INSR: variants seen among roughly 807,000 people sequenced by gnomAD.
The protein encoded by INSR is insulin receptor.
Under a neutral mutation model 142.6 loss-of-function variants are expected in INSR, and 67 were observed. That is an observed-to-expected ratio of 0.47 (90% CI 0.39 to 0.58). INSR has a LOEUF of 0.58. Ranked by LOEUF, INSR falls within the 20% of genes least tolerant of loss-of-function variation. The pLI is 0.00. For missense variants in INSR, 1,248 were observed against 1,833.2 expected, an observed-to-expected ratio of 0.68 and a Z score of 5.83; for synonymous variants, 756 against 743.1, an observed-to-expected ratio of 1.02 and a Z score of -0.28.
At chr19:7,252,975 C>T (rs982700511) in intron 2 of INSR, among the ~76,000 whole-genome samples, 3 of 151,948 alleles carry the variant, frequency 2.0e-5, no homozygotes, top group South Asian at 2.1e-4. Context: ...ATTAGCCGGG[C>T]GTGGTGGCGG....
At chr19:7,243,247 T>G (rs1453776643) in intron 2 of INSR, among the ~76,000 whole-genome samples, 3 of 132,734 alleles carry the variant, frequency 2.3e-5, no homozygotes, top group Middle Eastern at 7.3e-3. Context: ...TTTTTTTTTT[T>G]TTTTTTTTTT....
intron 2 of INSR, among the ~76,000 whole-genome samples, chr19:7,188,226 T>G (rs1376450546): frequency 6.6e-6 from 1 of 152,118 alleles, no homozygotes. Context: ...TCATTACATT[T>G]TCCTTATGGC....
chr19:7,193,119 CTTTTTTTTT>C (rs764541723), intron 2 of INSR, among the ~76,000 whole-genome samples: 6 of 139,706 alleles, frequency 4.3e-5, no homozygotes, highest in Non-Finnish European at 8.1e-5. Flanking sequence ...TCTTTTTTTT[CTTTTTTTTT>C]TTTTCCCCAG....
chr19:7,140,142 T>C (rs1033884742), intron 13 of INSR, among the ~76,000 whole-genome samples: 2 of 152,190 alleles, frequency 1.3e-5, no homozygotes, highest in African/African-American at 2.4e-5. Flanking sequence ...TAGATCTCAA[T>C]TGTAAATTAT....
At chr19:7,222,250 C>T (rs1222592653) in intron 2 of INSR, among the ~76,000 whole-genome samples, 6 of 152,130 alleles carry the variant, frequency 3.9e-5, no homozygotes, top group South Asian at 2.1e-4. Flanking sequence ...CACTTTGGAC[C>T]GCAGCCTGTA....
intron 1 of INSR, among the ~76,000 whole-genome samples, chr19:7,276,439 G>A (rs1053624202): frequency 2.9e-5 from 4 of 138,626 alleles, no homozygotes; most frequent in East Asian, 2.4e-4. Context: ...CATCAAGCCC[G>A]GCCAGTAACA....
At chr19:7,280,191 G>C (rs972943697) in intron 1 of INSR, among the ~76,000 whole-genome samples, 3 of 152,070 alleles carry the variant, frequency 2.0e-5, no homozygotes, top group African/African-American at 7.2e-5. Context: ...GTGAACCCGG[G>C]AGGCGGAGCT....
At position 7,166,409 on chromosome 19, in the gene INSR, C is replaced by G. The variant is rs774372188; in HGVS notation, c.1611-5G>C. The G allele has an allele frequency of 3.1e-6, 5 of 1,613,582 alleles. No homozygotes were observed. Among genetic ancestry groups the G allele is most frequent in the Non-Finnish European group, 4.2e-6 (5 of 1,179,884 alleles). On this transcript the variant is annotated splice_region_variant and splice_polypyrimidine_tract_variant and intron_variant, in intron 7 of 21. Coordinates refer to ENST00000302850, the MANE Select transcript of INSR (RefSeq NM_000208.4). The surrounding 1 kb of genome is among the most constrained non-coding windows in gnomAD (Gnocchi z 4.1). ...TCCGTCACATTCTGATAAGGGCTTTCAAGACAAAACAGCAGAAGGCAGTTA... is the reference window on the plus strand; with the variant it reads ...TCCGTCACATTCTGATAAGGGCTTTGAAGACAAAACAGCAGAAGGCAGTTA...
At chr19:7,293,172 T>C (rs565524776) in intron 1 of INSR, among the ~76,000 whole-genome samples, 7 of 152,300 alleles carry the variant, frequency 4.6e-5, no homozygotes, top group African/African-American at 1.4e-4. Context: ...CTACTTCTGC[T>C]ACAATTGCTG....
chr19:7,151,168 CTT>C (rs1228606191), intron 10 of INSR, among the ~76,000 whole-genome samples: 14 of 6,418 alleles, frequency 2.2e-3, no homozygotes, highest in African/African-American at 3.0e-3. Context: ...CTTTCTCTTT[CTT>C]TCTTTCTTTC....
At chr19:7,234,452 C>G (rs1325829826) in intron 2 of INSR, among the ~76,000 whole-genome samples, 1 of 152,144 alleles carries the variant, frequency 6.6e-6, no homozygotes, top group African/African-American at 2.4e-5. Context: ...AAGTAATCCT[C>G]CCACCTCTGC....
chr19:7,192,923 A>G lies in INSR; in HGVS notation c.653-8286T>C, dbSNP rs894197493. 3.9e-5 allele frequency among the ~76,000 whole-genome samples: 6 copies of G among 152,092 alleles called. No homozygotes were observed. Among genetic ancestry groups the G allele is most frequent in the African/African-American group, 1.4e-4 (6 of 41,420 alleles). On this transcript the variant is annotated intron_variant, in intron 2 of 21. Transcript: ENST00000302850. The surrounding 1 kb of genome is among the most constrained non-coding windows in gnomAD (Gnocchi z 4.2). ...GACTAAAATCTAACTAAGTTGACGGAGGAGAAAGGAGACCGCTGTGTCAGA... is the reference window on the plus strand; with the variant it reads ...GACTAAAATCTAACTAAGTTGACGGGGGAGAAAGGAGACCGCTGTGTCAGA...
intron 10 of INSR, among the ~76,000 whole-genome samples, chr19:7,151,735 G>A (rs564713691): frequency 1.3e-5 from 2 of 152,178 alleles, no homozygotes; most frequent in South Asian, 4.1e-4. Flanking sequence ...TTACACACTG[G>A]TGGTTCTGGG....
At chr19:7,270,776 G>A (rs118064378) in intron 1 of INSR, among the ~76,000 whole-genome samples, 3 of 149,628 alleles carry the variant, frequency 2.0e-5, no homozygotes, top group African/African-American at 7.4e-5. Context: ...AAACACAACG[G>A]CTGGGCGTGG....
rs896319481 is a variant in INSR, at chr19:7,252,114, A to C, written c.652+15231T>G. On this transcript the variant is annotated intron_variant, in intron 2 of 21. Coordinates refer to ENST00000302850, the MANE Select transcript of INSR (RefSeq NM_000208.4). ...CATGGCGAAACCCTGTCTCTACTGA[A>C]AATACAAAAATTTGCCAGTGCGTAG... Among the ~76,000 whole-genome samples the C allele has an allele frequency of 6.6e-5, 10 of 152,164 alleles. No homozygotes were observed. The South Asian group carries it at 1.2e-3, about 19-fold the overall frequency.
At chr19:7,291,278 T>C (rs768576541) in intron 1 of INSR, among the ~76,000 whole-genome samples, 4 of 152,180 alleles carry the variant, frequency 2.6e-5, no homozygotes, top group Admixed American at 1.3e-4. Flanking sequence ...ACTAGCTAGA[T>C]TGCAATCCCA....
At chr19:7,217,482 G>A (rs1459796681) in intron 2 of INSR, among the ~76,000 whole-genome samples, 1 of 152,178 alleles carries the variant, frequency 6.6e-6, no homozygotes, top group Non-Finnish European at 1.5e-5. Flanking sequence ...TCATTCAACC[G>A]ACCACATTCA....
At chr19:7,213,898 G>A (rs747167281) in intron 2 of INSR, among the ~76,000 whole-genome samples, 5 of 152,018 alleles carry the variant, frequency 3.3e-5, no homozygotes, top group Non-Finnish European at 7.4e-5. Flanking sequence ...GCTGAGGCAG[G>A]AGAATCGCTT....
chr19:7,250,505 G>T (rs1026995402), intron 2 of INSR, among the ~76,000 whole-genome samples: 4 of 133,728 alleles, frequency 3.0e-5, no homozygotes, highest in African/African-American at 8.1e-5. Context: ...AGGAAAGAGA[G>T]AAGGATAAAG....
Sources: gnomAD v4.1 joint callset for allele counts (sites outside exome capture counted in the v4.1 genomes callset) on GRCh38, gnomAD v4.1.1 for gene constraint, Gnocchi (gnomAD v3.1) non-coding constraint, MANE v1.5 for transcripts, NCBI Gene and HGNC (gene_info 2026-07-23, HGNC 2026-07-21) for gene names.